The following SGSM1 variants were observed in gnomAD, a reference collection of about 807,000 sequenced individuals.
The protein encoded by SGSM1 is small G protein signaling modulator 1, also known as RUN and TBC1 domain containing 2.
Under a neutral mutation model 133.8 loss-of-function variants are expected in SGSM1, and 73 were observed. The observed-to-expected ratio is 0.55, with a 90% confidence interval of 0.45 to 0.66. SGSM1 has a LOEUF of 0.66. SGSM1 is among the 30% of genes least tolerant of loss of function. The pLI is 0.00. For synonymous variants in SGSM1, 563 were observed against 573.0 expected (o/e 0.98, Z 0.25); for missense variants, 1,213 against 1,448.1 (o/e 0.84, Z 2.64).
intron 14 of SGSM1, among the ~76,000 whole-genome samples, chr22:24,882,868 T>A (rs1932407873): frequency 6.6e-6 from 1 of 152,022 alleles, no homozygotes; most frequent in South Asian, 2.1e-4. Flanking sequence ...TAATATTCCA[T>A]CACATTTGTA....
intron 23 of SGSM1, among the ~76,000 whole-genome samples, chr22:24,918,511 T>A (rs1001115644): frequency 7.9e-5 from 10 of 127,172 alleles, no homozygotes; most frequent in African/African-American, 3.0e-4. Flanking sequence ...AAAAAAAAAA[T>A]CTGACATGTA....
chr22:24,821,953 G>A (rs1459724434), intron 2 of SGSM1, among the ~76,000 whole-genome samples: 6 of 152,160 alleles, frequency 3.9e-5, no homozygotes, highest in Middle Eastern at 3.4e-3. Context: ...AGTTGACATC[G>A]GGGTTCACTC....
chr22:24,846,103 A>G (rs1240014566), intron 3 of SGSM1, among the ~76,000 whole-genome samples: 2 of 148,466 alleles, frequency 1.3e-5, no homozygotes, highest in African/African-American at 2.5e-5. Context: ...CAGTGGCACA[A>G]TCACAGCTCA....
At chr22:24,905,340 TAA>T (rs1004890392) in intron 21 of SGSM1, among the ~76,000 whole-genome samples, 153 bp downstream of exon 21, 4 of 152,100 alleles carry the variant, frequency 2.6e-5, no homozygotes, top group African/African-American at 9.7e-5. Context: ...CCTAGTGAAA[TAA>T]AAAAGTCCTT....
At position 24,887,554 on chromosome 22, in the gene SGSM1, A is replaced by G. The variant is rs994760400; in HGVS notation, c.1770+826A>G. ...CAAGCTGTAATGAACATTCGTGTAC[A>G]GTTTTTGTATGAGCATAACTTGTCA... On this transcript the variant is annotated intron_variant, in intron 16 of 24. Transcript: ENST00000400358. Among the ~76,000 whole-genome samples, 5 of 152,274 alleles carry G rather than the reference A, an allele frequency of 3.3e-5. No individual in the cohort carries two copies. The East Asian group carries it at 9.7e-4, about 29-fold the overall frequency.
At chr22:24,812,935 T>C (rs1352978234) in intron 2 of SGSM1, among the ~76,000 whole-genome samples, 1 of 152,150 alleles carries the variant, frequency 6.6e-6, no homozygotes, top group Non-Finnish European at 1.5e-5. Context: ...TACAGTATAG[T>C]GGCAGGAGGG....
chr22:24,874,546 C>A lies in SGSM1; in HGVS notation c.1292-2031C>A, dbSNP rs1197869116. The A allele has an allele frequency of 2.5e-6, 4 of 1,610,196 alleles. No individual in the cohort carries two copies. Among genetic ancestry groups the A allele is most frequent in the Non-Finnish European group, 2.5e-6 (3 of 1,178,452 alleles). On this transcript the variant is annotated intron_variant, in intron 12 of 24. Transcript: ENST00000400358. ...GGAGCCAGCCAGATGGGACACTACT[C>A]TCCCCACGCCAAGCCCGAAGGAGCA...
At chr22:24,895,109 C>A (rs5760712) in intron 17 of SGSM1, 114 bp from the exon 18 acceptor site, 2 of 1,007,670 alleles carry the variant, frequency 2.0e-6, no homozygotes, top group East Asian at 5.3e-5. Context: ...AGGACTTGTG[C>A]AAGTTAGGAA....
At chr22:24,873,213 T>G (rs1195590572) in intron 12 of SGSM1, among the ~76,000 whole-genome samples, 1 of 152,134 alleles carries the variant, frequency 6.6e-6, no homozygotes. Context: ...TTCATCCGCC[T>G]CAGGCTCCCA....
At chr22:24,840,958 C>T (rs1426360750) in intron 2 of SGSM1, among the ~76,000 whole-genome samples, 3 of 152,188 alleles carry the variant, frequency 2.0e-5, no homozygotes, top group African/African-American at 7.2e-5. Flanking sequence ...TCACACCATT[C>T]TCTTGCCTCA....
chr22:24,898,593 C>A, intron 19 of SGSM1, 34 bp downstream of exon 19: 1 of 1,549,788 alleles, frequency 6.5e-7, no homozygotes, highest in Non-Finnish European at 8.7e-7. Flanking sequence ...CCATTTCCTT[C>A]TTTCCAGCTG....
intron 22 of SGSM1, among the ~76,000 whole-genome samples, chr22:24,913,552 G>C (rs1409364789): frequency 3.9e-5 from 6 of 152,158 alleles, no homozygotes; most frequent in Non-Finnish European, 8.8e-5. Flanking sequence ...GTGTTAACTT[G>C]AGTAAATATT....
intron 18 of SGSM1, among the ~76,000 whole-genome samples, chr22:24,897,472 A>G (rs926151588): frequency 2.0e-5 from 3 of 152,004 alleles, no homozygotes; most frequent in Non-Finnish European, 4.4e-5. Context: ...TCACTTTTTT[A>G]TTGCTGTTTG....
chr22:24,908,938 C>T (rs1349141267), intron 21 of SGSM1, among the ~76,000 whole-genome samples: 1 of 150,646 alleles, frequency 6.6e-6, no homozygotes, highest in Non-Finnish European at 1.5e-5. Flanking sequence ...TGCTCTACAT[C>T]GGGGCCCCAA....
chr22:24,840,961 T>C (rs577382016), intron 2 of SGSM1, among the ~76,000 whole-genome samples: 304 of 152,196 alleles, frequency 2.0e-3, no homozygotes, highest in African/African-American at 5.8e-3. Context: ...CACCATTCTC[T>C]TGCCTCAGCC....
chr22:24,890,296 G>A (rs1316760774), intron 16 of SGSM1, among the ~76,000 whole-genome samples: 1 of 152,140 alleles, frequency 6.6e-6, no homozygotes, highest in Non-Finnish European at 1.5e-5. Context: ...AACTTATGAT[G>A]CATTTATTGG....
At chr22:24,812,631 A>G (rs757188385) in intron 2 of SGSM1, among the ~76,000 whole-genome samples, 27 of 152,200 alleles carry the variant, frequency 1.8e-4, no homozygotes, top group Admixed American at 9.8e-4. Flanking sequence ...TGAACTTCCC[A>G]TAGTGGATAA....
At chr22:24,845,955 T>TTCTTTCTTTCTTTCTTTCTTTCTC (rs1930099315) in intron 3 of SGSM1, among the ~76,000 whole-genome samples, 1 of 91,840 alleles carries the variant, frequency 1.1e-5, no homozygotes, top group African/African-American at 3.7e-5. Flanking sequence ...CTTTCTTTCT[T>TTCTTTCTTTCTTTCTTTCTTTCTC]TCTTTCTTTC....
Position 24,898,081 on chromosome 22 carries a change from A to G in SGSM1, c.2132A>G (p.Asp711Gly). ...CTAGTGAACGGCACTTGTTCCCCAG[A>G]CTCGGGTCATCCTTCCTCCCATAAC... ...GNLVNGTCSP[D>G]SGHPSSHNFS... Residue 711 changes from aspartate (D) to glycine (G), a missense_variant, in exon 19 of 25, where the codon GAC becomes GGC. Coordinates refer to ENST00000400358, the MANE Select transcript of SGSM1 (RefSeq NM_001098497.3). 5.6e-6 allele frequency: 9 copies of G among 1,613,880 alleles called. No individual in the cohort carries two copies. Among genetic ancestry groups the G allele is most frequent in the East Asian group, 4.5e-5 (2 of 44,878 alleles).
Sources: allele counts gnomAD v4.1 joint callset (sites outside exome capture counted in the v4.1 genomes callset), GRCh38; gene constraint gnomAD v4.1.1; transcripts MANE v1.5; gene names NCBI Gene and HGNC (gene_info 2026-07-23, HGNC 2026-07-21).